The following RGS22 variants were observed in gnomAD, a reference collection of about 807,000 sequenced individuals.
RGS22 encodes regulator of G-protein signaling 22.
In RGS22, 148 loss-of-function variants were observed where a neutral mutation model predicts 172.9. That is an observed-to-expected ratio of 0.86 (90% CI 0.75 to 0.98). The LOEUF (loss-of-function observed/expected upper bound fraction) is 0.98. Among genes scored for constraint, RGS22 ranks in the 50% least tolerant of loss-of-function variants. The probability of loss-of-function intolerance (pLI) is 0.00; values close to 1 mark genes in which losing one functional copy is unlikely to be tolerated. For synonymous variants in RGS22, 458 were observed against 480.2 expected (o/e 0.95, Z 0.60); for missense variants, 1,347 against 1,440.8 (o/e 0.93, Z 1.05).
intron 2 of RGS22, among the ~76,000 whole-genome samples, chr8:100,096,931 A>G (rs766807866): frequency 7.9e-5 from 12 of 152,334 alleles, no homozygotes; most frequent in Middle Eastern, 3.4e-3. Context: ...CCATAAGGGA[A>G]TTACAATATA....
chr8:99,965,062 T>C (rs1810585536), intron 24 of RGS22, among the ~76,000 whole-genome samples: 1 of 152,244 alleles, frequency 6.6e-6, no homozygotes, highest in Non-Finnish European at 1.5e-5. Context: ...GTATCTGTCT[T>C]ATTTTCTTTT....
chr8:100,068,979 TAAGAGAG>T (rs1704836848), intron 6 of RGS22, among the ~76,000 whole-genome samples: 1 of 149,890 alleles, frequency 6.7e-6, no homozygotes, highest in Non-Finnish European at 1.5e-5. Context: ...AAAATCAGTA[TAAGAGAG>T]AAGAAAAATG....
chr8:100,067,664 A>T (rs1326972262), intron 6 of RGS22, among the ~76,000 whole-genome samples: 1 of 139,586 alleles, frequency 7.2e-6, no homozygotes, highest in Admixed American at 7.8e-5. Context: ...TCACTGTGTC[A>T]CCCAGGCTGG....
chr8:100,063,434 T>A lies in RGS22; in HGVS notation c.1334A>T (p.Asp445Val). The A allele has an allele frequency of 6.3e-7, 1 of 1,582,760 alleles. No homozygotes were observed. Among genetic ancestry groups the A allele is most frequent in the Non-Finnish European group, 8.6e-7 (1 of 1,166,960 alleles). ...MDIERLKVLK[D>V]PGRHQRHLEK... ...GAATTACCTTTGATGTCTTCCAGGATCCTTAAGAACTTTTAACCTCTCAAT... is the reference window on the plus strand; with the variant it reads ...GAATTACCTTTGATGTCTTCCAGGAACCTTAAGAACTTTTAACCTCTCAAT... Residue 445 changes from aspartate to valine, a missense_variant, in exon 8 of 28, where the codon GAT becomes GTT. Coordinates refer to ENST00000360863, the MANE Select transcript of RGS22 (RefSeq NM_015668.5).
intron 22 of RGS22, among the ~76,000 whole-genome samples, chr8:99,980,690 A>T (rs891573724): frequency 9.9e-5 from 15 of 152,196 alleles, no homozygotes; most frequent in African/African-American, 3.4e-4. Flanking sequence ...ATCAGGTAGA[A>T]GTCATAGGCT....
Position 100,017,986 on chromosome 8 carries a change from A to C in RGS22, c.2167-9417T>G, listed in dbSNP as rs376013833. Reference sequence around the variant, plus strand: ...CTGTGGCCAACATGAGTCCAATTTAAACATTAACCTATGATGCTTTAACAA... The same window carrying C: ...CTGTGGCCAACATGAGTCCAATTTACACATTAACCTATGATGCTTTAACAA... On this transcript the variant is annotated intron_variant, in intron 14 of 27. Transcript: ENST00000360863. 2.0e-4 allele frequency among the ~76,000 whole-genome samples: 30 copies of C among 152,296 alleles called. No homozygotes were observed. In the East Asian group the frequency reaches 5.4e-3, roughly 27 times the overall value.
intron 2 of RGS22, among the ~76,000 whole-genome samples, chr8:100,097,586 G>C (rs992776797): frequency 3.3e-5 from 5 of 152,150 alleles, no homozygotes; most frequent in African/African-American, 9.7e-5. Context: ...AAAATGTTTG[G>C]AGGAGGGCTT....
chr8:99,964,300 A>C (rs181131005), intron 24 of RGS22, among the ~76,000 whole-genome samples: 19 of 152,042 alleles, frequency 1.2e-4, no homozygotes, highest in African/African-American at 4.6e-4. Context: ...AAAAAATACA[A>C]AAAATTAGCC....
intron 24 of RGS22, among the ~76,000 whole-genome samples, chr8:99,964,089 A>C (rs1426850852): frequency 2.0e-5 from 3 of 151,888 alleles, no homozygotes; most frequent in Non-Finnish European, 4.4e-5. Context: ...CTCTCTTTTT[A>C]ACCGATAAGG....
At chr8:100,003,523 T>A (rs1815345772) in intron 17 of RGS22, among the ~76,000 whole-genome samples, 2 of 151,824 alleles carry the variant, frequency 1.3e-5, no homozygotes, top group Admixed American at 6.6e-5. Flanking sequence ...GTTTCGTTTA[T>A]AAATCTGTTA....
chr8:100,090,010 T>C (rs1229606557), intron 3 of RGS22, among the ~76,000 whole-genome samples: 1 of 152,148 alleles, frequency 6.6e-6, no homozygotes, highest in Non-Finnish European at 1.5e-5. Flanking sequence ...GACAGATTTG[T>C]TTGGCACATA....
chr8:100,049,929 G>A (rs767596158), intron 10 of RGS22, among the ~76,000 whole-genome samples: 2 of 151,826 alleles, frequency 1.3e-5, no homozygotes, highest in African/African-American at 2.4e-5. Flanking sequence ...GGTGCCTGTA[G>A]TACCAGCTAC....
chr8:99,969,067 G>T (rs992011715), intron 23 of RGS22, among the ~76,000 whole-genome samples: 1 of 152,174 alleles, frequency 6.6e-6, no homozygotes, highest in African/African-American at 2.4e-5. Flanking sequence ...GGGTAAGCCA[G>T]GAAAGAGTTG....
At chr8:100,083,966 C>A (rs147668318) in intron 3 of RGS22, among the ~76,000 whole-genome samples, 175 of 151,656 alleles carry the variant, frequency 1.2e-3, no homozygotes, top group African/African-American at 3.9e-3. Context: ...TCTCCTGCCT[C>A]AGCCTCCCAA....
chr8:100,065,318 T>A (rs1238708319), intron 7 of RGS22, among the ~76,000 whole-genome samples: 2 of 152,206 alleles, frequency 1.3e-5, no homozygotes, highest in Non-Finnish European at 2.9e-5. Flanking sequence ...TCTCCTGCCA[T>A]CCTTCTCTTC....
In RGS22 at chr8:100,080,331, T is replaced by G. The variant is rs1269733570; in HGVS notation, c.142A>C (p.Asn48His). The G allele has an allele frequency of 1.9e-6, 3 of 1,612,086 alleles. No homozygotes were observed. Among genetic ancestry groups the G allele is most frequent in the Non-Finnish European group, 2.5e-6 (3 of 1,178,912 alleles). The part of the protein sequence containing the change: ...LPTFSEAIRF[N>H]ADYGVFEVAN... ...ACTTCAAAAACTCCATAATCTGCAT[T>G]AAATCTAATTGCCTCTGAAAAGGTC... Residue 48 changes from asparagine (N) to histidine (H), a missense_variant, in exon 4 of 28, where the codon AAT becomes CAT. By Grantham distance (68) the Asn-to-His change is moderately conservative. Coordinates refer to ENST00000360863, the MANE Select transcript of RGS22 (RefSeq NM_015668.5).
chr8:100,072,545 G>A (rs1294449816), intron 4 of RGS22, among the ~76,000 whole-genome samples: 1 of 152,048 alleles, frequency 6.6e-6, no homozygotes, highest in African/African-American at 2.4e-5. Flanking sequence ...AAAAGCCAAT[G>A]CATCTCAGTA....
rs187310544 is a variant in RGS22, at chr8:100,011,951, G to A, written c.2167-3382C>T. Reference sequence around the variant, plus strand: ...TATTGCAAAATAAAATGATAATAACGAATAAAGTCAGAAGAAATAGTAAAA... The same window carrying A: ...TATTGCAAAATAAAATGATAATAACAAATAAAGTCAGAAGAAATAGTAAAA... On this transcript the variant is annotated intron_variant, in intron 14 of 27. Coordinates refer to ENST00000360863, the MANE Select transcript of RGS22 (RefSeq NM_015668.5). Among the ~76,000 whole-genome samples the A allele has an allele frequency of 2.2e-4, 33 of 152,080 alleles. 1 individual carries two copies. The South Asian group carries it at 3.7e-3, about 17-fold the overall frequency.
chr8:99,980,182 G>A (rs1812398422), intron 22 of RGS22, among the ~76,000 whole-genome samples: 1 of 152,130 alleles, frequency 6.6e-6, no homozygotes, highest in African/African-American at 2.4e-5. Context: ...CTCCTGCCTT[G>A]GCCTTCCAAA....
Sources: gnomAD v4.1 joint callset for allele counts (sites outside exome capture counted in the v4.1 genomes callset) on GRCh38, gnomAD v4.1.1 for gene constraint, MANE v1.5 for transcripts, NCBI Gene and HGNC (gene_info 2026-07-23, HGNC 2026-07-21) for gene names.